The following SH3GL2 variants were observed in gnomAD, a reference collection of about 807,000 sequenced individuals.
SH3GL2 encodes SH3 domain containing GRB2 like 2, endophilin A1.
A neutral mutation model predicts 46.0 loss-of-function variants in SH3GL2; 24 were observed. The ratio of observed to expected loss-of-function variants is 0.52; its 90% CI spans 0.38 to 0.73. The LOEUF is 0.73. Ranked by LOEUF, SH3GL2 falls within the 30% of genes least tolerant of loss-of-function variation. SH3GL2 has a pLI of 0.00. For missense variants in SH3GL2, 413 were observed against 424.2 expected, an observed-to-expected ratio of 0.97 and a Z score of 0.23; for synonymous variants, 196 against 147.1, an observed-to-expected ratio of 1.33 and a Z score of -2.40.
intron 1 of SH3GL2, among the ~76,000 whole-genome samples, chr9:17,724,969 T>A (rs1459289964): frequency 1.3e-5 from 2 of 152,118 alleles, no homozygotes; most frequent in African/African-American, 4.8e-5. Context: ...TTGTCCTGAG[T>A]TCCACAAGGC....
chr9:17,738,243 C>T, intron 1 of SH3GL2, among the ~76,000 whole-genome samples: 1 of 151,586 alleles, frequency 6.6e-6, no homozygotes, highest in South Asian at 2.1e-4. Flanking sequence ...GTTTTTGTCT[C>T]TTTTTTTCTG....
Position 17,724,452 on chromosome 9 carries a change from C to T in SH3GL2, c.46-22614C>T, listed in dbSNP as rs567599402. ...TTGGACATATTTAAAATGACTACTG[C>T]CGAGCCATATCTGCTAATTCCAACA... On this transcript the variant is annotated intron_variant, in intron 1 of 8. Coordinates refer to ENST00000380607, the MANE Select transcript of SH3GL2 (RefSeq NM_003026.5). Among the ~76,000 whole-genome samples the T allele has an allele frequency of 2.0e-5, 3 of 152,200 alleles. No individual in the cohort carries two copies. In the East Asian group the frequency reaches 5.8e-4, roughly 30 times the overall value.
At chr9:17,795,325 C>G (rs979455530) in intron 8 of SH3GL2, among the ~76,000 whole-genome samples, 1 of 152,124 alleles carries the variant, frequency 6.6e-6, no homozygotes, top group Non-Finnish European at 1.5e-5. Flanking sequence ...CAGCAACTTC[C>G]AAAGGTCCGA....
chr9:17,671,620 G>GTAC (rs1820477398), intron 1 of SH3GL2, among the ~76,000 whole-genome samples: 1 of 151,872 alleles, frequency 6.6e-6, no homozygotes, highest in African/African-American at 2.4e-5. Flanking sequence ...CATCTATTAT[G>GTAC]TACCTACAAA....
intron 1 of SH3GL2, among the ~76,000 whole-genome samples, chr9:17,694,776 G>A (rs1821163341): frequency 6.6e-6 from 1 of 152,116 alleles, no homozygotes. Flanking sequence ...GTATTGCTCT[G>A]GAGAATTTAA....
At chr9:17,582,684 C>T (rs1457543667) in intron 1 of SH3GL2, among the ~76,000 whole-genome samples, 1 of 152,184 alleles carries the variant, frequency 6.6e-6, no homozygotes, top group Non-Finnish European at 1.5e-5. Flanking sequence ...CAAACTGAGT[C>T]GTTTCAACGA....
At chr9:17,677,624 G>GTATATATATATA (rs60772491) in intron 1 of SH3GL2, among the ~76,000 whole-genome samples, 2 of 147,308 alleles carry the variant, frequency 1.4e-5, no homozygotes, top group African/African-American at 4.9e-5. Flanking sequence ...AAATTGTATG[G>GTATATATATATA]TATATATATA....
chr9:17,605,355 A>G (rs1000907416), intron 1 of SH3GL2, among the ~76,000 whole-genome samples: 3 of 152,084 alleles, frequency 2.0e-5, no homozygotes, highest in African/African-American at 7.2e-5. Context: ...ACTGTTTTTC[A>G]CTAGCTTAGC....
At chr9:17,635,940 C>T (rs1481932939) in intron 1 of SH3GL2, among the ~76,000 whole-genome samples, 1 of 152,168 alleles carries the variant, frequency 6.6e-6, no homozygotes, top group Non-Finnish European at 1.5e-5. Context: ...AGCAAGTAAC[C>T]AAGAGGTCCT....
At chr9:17,592,158 A>T (rs553980609) in intron 1 of SH3GL2, among the ~76,000 whole-genome samples, 21 of 152,306 alleles carry the variant, frequency 1.4e-4, no homozygotes, top group African/African-American at 5.1e-4. Flanking sequence ...CCAACCCCAA[A>T]GTCTCAAGAA....
chr9:17,721,276 T>C lies in SH3GL2; in HGVS notation c.46-25790T>C, dbSNP rs183244316. ...TGGAACTTGACCATTTCAGGGTTTA[T>C]TTCAGGATTACAAAAGTAATATGTA... On this transcript the variant is annotated intron_variant, in intron 1 of 8. Coordinates refer to ENST00000380607, the MANE Select transcript of SH3GL2 (RefSeq NM_003026.5). 6.0e-4 allele frequency among the ~76,000 whole-genome samples: 92 copies of C among 152,240 alleles called. 2 individuals carry two copies. Among genetic ancestry groups the C allele is most frequent in the Middle Eastern group, 6.8e-3 (2 of 294 alleles).
intron 1 of SH3GL2, among the ~76,000 whole-genome samples, chr9:17,674,981 C>G (rs1420071590): frequency 1.6e-4 from 24 of 152,102 alleles, no homozygotes; most frequent in Admixed American, 1.6e-3. Context: ...GGAGGAGCCA[C>G]CAGGTTACAT....
At chr9:17,657,181 T>C (rs1424380589) in intron 1 of SH3GL2, among the ~76,000 whole-genome samples, 1 of 152,196 alleles carries the variant, frequency 6.6e-6, no homozygotes, top group Non-Finnish European at 1.5e-5. Context: ...TGCTAGTTAG[T>C]TGCCAGGCAC....
At chr9:17,707,886 A>T (rs1225089367) in intron 1 of SH3GL2, among the ~76,000 whole-genome samples, 1 of 152,016 alleles carries the variant, frequency 6.6e-6, no homozygotes, top group Non-Finnish European at 1.5e-5. Flanking sequence ...TTTCACACTC[A>T]TCTTGTGTAT....
chr9:17,796,641 A>C lies in SH3GL2; in HGVS notation c.*898A>C, dbSNP rs1824280055. 6.6e-6 allele frequency: 1 copy of C among 152,658 alleles called. No homozygotes were observed. The highest frequency in any genetic ancestry group is 1.5e-5 in the Non-Finnish European group (1 of 68,046). 9.5% of individuals were successfully genotyped at this position (152,658 alleles called of 1,614,324 possible). On this transcript the variant is annotated 3_prime_UTR_variant, in exon 9 of 9. Coordinates refer to ENST00000380607, the MANE Select transcript of SH3GL2 (RefSeq NM_003026.5). ...GGCACAGAGACACAAGGAAGAAAAC[A>C]CTAGTAACCATCTTTCCACTAGTTC...
At chr9:17,777,443 G>A (rs1387926676) in intron 3 of SH3GL2, among the ~76,000 whole-genome samples, 2 of 152,168 alleles carry the variant, frequency 1.3e-5, no homozygotes, top group East Asian at 3.9e-4. Context: ...TATGGGTTGA[G>A]TGATATCCCT....
intron 1 of SH3GL2, among the ~76,000 whole-genome samples, chr9:17,668,956 C>G (rs889584030): frequency 2.0e-5 from 3 of 152,176 alleles, no homozygotes; most frequent in Non-Finnish European, 2.9e-5. Context: ...CCATGCCTGG[C>G]CAGAATCATT....
intron 1 of SH3GL2, among the ~76,000 whole-genome samples, chr9:17,714,669 T>C (rs1821708371): frequency 6.6e-6 from 1 of 151,846 alleles, no homozygotes; most frequent in Non-Finnish European, 1.5e-5. Context: ...TCTTGGCCTT[T>C]ATGTTACTGT....
chr9:17,723,459 T>TGAAC (rs1821946066), intron 1 of SH3GL2, among the ~76,000 whole-genome samples: 2 of 152,170 alleles, frequency 1.3e-5, no homozygotes, highest in South Asian at 4.1e-4. Flanking sequence ...CTTTCATATA[T>TGAAC]GAACCTAAAT....
Sources: gnomAD v4.1 joint callset for allele counts (sites outside exome capture counted in the v4.1 genomes callset) on GRCh38, gnomAD v4.1.1 for gene constraint, MANE v1.5 for transcripts, NCBI Gene and HGNC (gene_info 2026-07-23, HGNC 2026-07-21) for gene names.